NEGR1: variants seen among roughly 807,000 people sequenced by gnomAD.
NEGR1 encodes IgLON family member 4.
In NEGR1, 10 loss-of-function variants were observed where a neutral mutation model predicts 40.9. The ratio of observed to expected loss-of-function variants is 0.24; its 90% confidence interval spans 0.15 to 0.42. The LOEUF is 0.42. NEGR1 is among the 10% of genes least tolerant of loss of function. NEGR1 has a pLI of 1.00. For missense variants in NEGR1, 352 were observed against 438.9 expected, an observed-to-expected ratio of 0.80 and a Z score of 1.77; for synonymous variants, 185 against 166.8, an observed-to-expected ratio of 1.11 and a Z score of -0.84.
chr1:71,588,712 T>C (rs1649395689), intron 6 of NEGR1, among the ~76,000 whole-genome samples: 3 of 152,162 alleles, frequency 2.0e-5, no homozygotes, highest in Admixed American at 1.3e-4. Flanking sequence ...TGTCTTCATG[T>C]TAAATCAAAA....
At chr1:71,820,473 G>A (rs1658387780) in intron 2 of NEGR1, among the ~76,000 whole-genome samples, 1 of 151,980 alleles carries the variant, frequency 6.6e-6, no homozygotes, top group African/African-American at 2.4e-5. Flanking sequence ...TAAATATCTA[G>A]ATAATTTGAT....
At chr1:71,908,409 T>A (rs1661336415) in intron 2 of NEGR1, among the ~76,000 whole-genome samples, 1 of 151,160 alleles carries the variant, frequency 6.6e-6, no homozygotes, top group South Asian at 2.1e-4. Flanking sequence ...AAATGTTCTG[T>A]CATTTAAAGA....
chr1:71,977,305 G>A (rs61765349), intron 1 of NEGR1, among the ~76,000 whole-genome samples: 4 of 151,304 alleles, frequency 2.6e-5, no homozygotes, highest in African/African-American at 4.9e-5. Flanking sequence ...CAGCCTGGAC[G>A]ATAGAGCAAG....
At position 72,248,586 on chromosome 1, in the gene NEGR1, T is replaced by TATTATC. The variant is rs1242325618; in HGVS notation, c.176+33732_176+33733insGATAAT. On this transcript the variant is annotated intron_variant, in intron 1 of 6. Transcript: ENST00000357731. ...GACTTCTATTTTTATTTATTATTAT[T>TATTATC]ATTATTATTATTATTATTATTATTA... 2.8e-3 allele frequency among the ~76,000 whole-genome samples: 404 copies of TATTATC among 143,964 alleles called. 2 individuals are homozygous for TATTATC. The highest frequency in any genetic ancestry group is 0.01 in the African/African-American group (386 of 38,358). 94.4% of individuals were successfully genotyped at this position (143,964 alleles called of 152,430 possible). A position where few individuals can be genotyped will look rare whatever the true frequency, so the allele number is the denominator to read the frequency against.
chr1:71,494,548 T>C (rs1026371690), intron 6 of NEGR1, among the ~76,000 whole-genome samples: 12 of 152,268 alleles, frequency 7.9e-5, no homozygotes, highest in Admixed American at 7.9e-4. Context: ...ACTATAATAG[T>C]TTTCAATGAG....
chr1:72,236,271 G>A (rs1654541176), intron 1 of NEGR1, among the ~76,000 whole-genome samples: 1 of 151,890 alleles, frequency 6.6e-6, no homozygotes, highest in African/African-American at 2.4e-5. Flanking sequence ...ATCACACACT[G>A]GGGACTTTTG....
chr1:71,758,179 T>C (rs115733287), intron 3 of NEGR1, among the ~76,000 whole-genome samples: 3,542 of 152,194 alleles, frequency 0.023, 143 homozygotes, highest in African/African-American at 0.082. Context: ...TTAAGCTCTA[T>C]ATAATATTGC....
chr1:71,408,529 T>C (rs1365064959), intron 6 of NEGR1, among the ~76,000 whole-genome samples: 3 of 152,014 alleles, frequency 2.0e-5, no homozygotes, highest in African/African-American at 7.2e-5. Flanking sequence ...TGGGATATTA[T>C]TGGAGTGTTT....
At chr1:71,969,414 T>C (rs1354273997) in intron 1 of NEGR1, among the ~76,000 whole-genome samples, 2 of 152,228 alleles carry the variant, frequency 1.3e-5, no homozygotes, top group African/African-American at 4.8e-5. Context: ...ATTGCCTTGC[T>C]TCTGTCATCA....
At chr1:72,084,831 G>C (rs1648148280) in intron 1 of NEGR1, among the ~76,000 whole-genome samples, 1 of 152,150 alleles carries the variant, frequency 6.6e-6, no homozygotes, top group Non-Finnish European at 1.5e-5. Context: ...GATTGTATAT[G>C]AACTAAAATA....
chr1:71,938,201 T>C (rs897090291), intron 1 of NEGR1, among the ~76,000 whole-genome samples: 2 of 152,146 alleles, frequency 1.3e-5, no homozygotes, highest in Admixed American at 6.6e-5. Context: ...ATGTTCTACA[T>C]TATTATGTTA....
intron 3 of NEGR1, among the ~76,000 whole-genome samples, chr1:71,755,418 A>G (rs1459844569): frequency 6.6e-6 from 1 of 152,180 alleles, no homozygotes; most frequent in African/African-American, 2.4e-5. Flanking sequence ...ATTAAATCAC[A>G]TCATTTACGT....
intron 3 of NEGR1, among the ~76,000 whole-genome samples, chr1:71,703,670 AAC>A (rs1168843256): frequency 2.6e-5 from 4 of 152,018 alleles, no homozygotes; most frequent in Non-Finnish European, 5.9e-5. Context: ...GGAAGAAATT[AAC>A]AGTGTATTAA....
intron 1 of NEGR1, among the ~76,000 whole-genome samples, chr1:72,026,110 C>CAAAAAAAAAAAAAAA (rs1172589239): frequency 1.6e-4 from 5 of 31,148 alleles, no homozygotes; most frequent in Non-Finnish European, 1.9e-4. Context: ...GACTCCGTCT[C>CAAAAAAAAAAAAAAA]AAAAAAAAAA....
intron 2 of NEGR1, among the ~76,000 whole-genome samples, chr1:71,841,791 TAAAAG>T (rs952285501): frequency 2.0e-5 from 3 of 152,186 alleles, no homozygotes; most frequent in Non-Finnish European, 4.4e-5. Context: ...GATAGTGTCC[TAAAAG>T]AAAAGAATAC....
Position 71,535,715 on chromosome 1 carries a change from T to A in NEGR1, c.940+57102A>T, listed in dbSNP as rs533519768. ...CAAAGTGAGATCAAAACAAAGAGAT[T>A]TGGAAAAGCTGGTGCTACAGGCAGT... On this transcript the variant is annotated intron_variant, in intron 6 of 6. Coordinates refer to ENST00000357731, the MANE Select transcript of NEGR1 (RefSeq NM_173808.3). Among the ~76,000 whole-genome samples the A allele has an allele frequency of 3.3e-5, 5 of 151,690 alleles. No individual in the cohort carries two copies. In the East Asian group the frequency reaches 7.9e-4, roughly 24 times the overall value.
chr1:72,147,824 C>T (rs181944801), intron 1 of NEGR1, among the ~76,000 whole-genome samples: 5 of 152,208 alleles, frequency 3.3e-5, no homozygotes, highest in East Asian at 1.9e-4. Flanking sequence ...TGAAATCCAG[C>T]GGGGCAGTCA....
Position 71,401,270 on chromosome 1 carries a change from C to T in NEGR1, c.*6176G>A, listed in dbSNP as rs1291064257. On this transcript the variant is annotated 3_prime_UTR_variant, in exon 7 of 7. Coordinates refer to ENST00000357731, the MANE Select transcript of NEGR1 (RefSeq NM_173808.3). The stretch of plus-strand genomic sequence containing the variant: ...GGGGTAAAGATTCAATTGAATTCTC[C>T]TCCTCACTCTGGAAGCCAGTTTTGC... 4 of 152,084 alleles carry T rather than the reference C, an allele frequency of 2.6e-5. No homozygotes were observed. Among genetic ancestry groups the T allele is most frequent in the African/African-American group, 9.7e-5 (4 of 41,402 alleles). The allele number at this position is 152,084 out of a possible 1,614,324, so 9.4% of individuals were successfully genotyped here. A position where few individuals can be genotyped will look rare whatever the true frequency, so the allele number is the denominator to read the frequency against.
chr1:72,149,479 T>C (rs2100352070), intron 1 of NEGR1, among the ~76,000 whole-genome samples: 1 of 152,342 alleles, frequency 6.6e-6, no homozygotes, highest in Middle Eastern at 3.4e-3. Context: ...TATGCTATTA[T>C]ACACTAAATT....
Sources: allele counts gnomAD v4.1 joint callset (sites outside exome capture counted in the v4.1 genomes callset), GRCh38; gene constraint gnomAD v4.1.1; transcripts MANE v1.5; gene names NCBI Gene and HGNC (gene_info 2026-07-23, HGNC 2026-07-21).